The following NALF1 variants were observed in gnomAD, a reference collection of about 807,000 sequenced individuals.
NALF1 encodes NALCN channel auxiliary factor 1.
Under a neutral mutation model 48.4 loss-of-function variants are expected in NALF1, and 3 were observed. The observed-to-expected ratio is 0.06, with a 90% CI of 0.03 to 0.16. NALF1 has a LOEUF of 0.16. Ranked by LOEUF, NALF1 falls within the 10% of genes least tolerant of loss-of-function variation. The pLI is 1.00. For synonymous variants in NALF1, 262 were observed against 245.7 expected, an observed-to-expected ratio of 1.07 and a Z score of -0.62; for missense variants, 526 against 571.5, an observed-to-expected ratio of 0.92 and a Z score of 0.81.
intron 1 of NALF1, among the ~76,000 whole-genome samples, chr13:107,308,990 G>T (rs1881994004): frequency 6.6e-6 from 1 of 152,184 alleles, no homozygotes; most frequent in African/African-American, 2.4e-5. Context: ...TCAATGGAAG[G>T]CATTTAAGCT....
chr13:107,682,219 T>A (rs879499587), intron 1 of NALF1, among the ~76,000 whole-genome samples: 9 of 152,188 alleles, frequency 5.9e-5, no homozygotes, highest in Admixed American at 5.9e-4. Context: ...ATTGTTGCCT[T>A]CATTTTGAGA....
At chr13:107,757,341 C>T (rs1198667005) in intron 1 of NALF1, among the ~76,000 whole-genome samples, 1 of 150,708 alleles carries the variant, frequency 6.6e-6, no homozygotes, top group Non-Finnish European at 1.5e-5. Context: ...TTTGGAGAAA[C>T]AGCAATTTTG....
intron 1 of NALF1, among the ~76,000 whole-genome samples, chr13:107,606,512 C>T (rs532269261): frequency 6.6e-6 from 1 of 151,928 alleles, no homozygotes; most frequent in African/African-American, 2.4e-5. Context: ...ATTACAGGTG[C>T]CAGCCACAGT....
chr13:107,778,810 A>G (rs1877810449), intron 1 of NALF1, among the ~76,000 whole-genome samples: 1 of 151,922 alleles, frequency 6.6e-6, no homozygotes, highest in African/African-American at 2.4e-5. Context: ...TCCCTCAATC[A>G]CCTGTTGTTA....
At chr13:107,678,260 T>G (rs1881184637) in intron 1 of NALF1, among the ~76,000 whole-genome samples, 3 of 152,112 alleles carry the variant, frequency 2.0e-5, no homozygotes, top group African/African-American at 7.2e-5. Flanking sequence ...GGATGAACTG[T>G]GTGCTCAGCG....
chr13:107,430,611 C>T lies in NALF1; in HGVS notation c.916-219856G>A, dbSNP rs141531531. Among the ~76,000 whole-genome samples, 365 of 152,262 alleles carry T rather than the reference C, an allele frequency of 2.4e-3. 10 individuals carry two copies. Among genetic ancestry groups the T allele is most frequent in the Admixed American group, 0.022 (333 of 15,288 alleles). On this transcript the variant is annotated intron_variant, in intron 1 of 2. Transcript: ENST00000375915. ...TATGGTTTCCAGCTTCATCCATGTA[C>T]CTACAAAGGACATGAACTCATCATT...
chr13:107,777,908 A>G (rs1877783930), intron 1 of NALF1, among the ~76,000 whole-genome samples: 1 of 152,196 alleles, frequency 6.6e-6, no homozygotes, highest in South Asian at 2.1e-4. Context: ...CAAAAGGGAA[A>G]CATATTTTTA....
chr13:107,289,996 G>A (rs1209847777), intron 1 of NALF1, among the ~76,000 whole-genome samples: 2 of 152,084 alleles, frequency 1.3e-5, no homozygotes, highest in Non-Finnish European at 2.9e-5. Flanking sequence ...AGGGTGGCAG[G>A]TAACAGGATG....
intron 1 of NALF1, among the ~76,000 whole-genome samples, chr13:107,443,160 TTATCTAACAATCTATCTATC>T (rs1010875257): frequency 6.9e-6 from 1 of 144,450 alleles, no homozygotes. Context: ...TATTATTTAT[TTATCTAACAATCTATCTATC>T]TATCTATCTA....
intron 1 of NALF1, among the ~76,000 whole-genome samples, chr13:107,785,318 T>C (rs1405792373): frequency 6.6e-6 from 1 of 151,958 alleles, no homozygotes; most frequent in Non-Finnish European, 1.5e-5. Flanking sequence ...AGAAGACGTC[T>C]CCTTCCAAGA....
chr13:107,769,844 G>C (rs913042824), intron 1 of NALF1, among the ~76,000 whole-genome samples: 2 of 152,164 alleles, frequency 1.3e-5, no homozygotes, highest in South Asian at 2.1e-4. Flanking sequence ...TCACCACTTA[G>C]AGAATTCCAT....
chr13:107,462,969 A>C (rs1324160243), intron 1 of NALF1, among the ~76,000 whole-genome samples: 1 of 152,182 alleles, frequency 6.6e-6, no homozygotes, highest in East Asian at 1.9e-4. Flanking sequence ...GAAATCATGG[A>C]GCCTGAGGGT....
intron 1 of NALF1, among the ~76,000 whole-genome samples, chr13:107,350,598 T>C (rs974820301): frequency 6.6e-6 from 1 of 152,258 alleles, no homozygotes; most frequent in Non-Finnish European, 1.5e-5. Flanking sequence ...TACTTGTTTA[T>C]GCATTAATGC....
At chr13:107,319,064 G>A (rs6492045) in intron 1 of NALF1, among the ~76,000 whole-genome samples, 119,192 of 151,986 alleles carry the variant, frequency 0.78, 47,202 homozygotes, top group Non-Finnish European at 0.85. Context: ...CAGTCCTAAC[G>A]TCTTAAAAAA....
intron 1 of NALF1, among the ~76,000 whole-genome samples, chr13:107,229,109 G>A (rs573341261): frequency 1.1e-4 from 16 of 152,140 alleles, no homozygotes; most frequent in South Asian, 2.1e-4. Context: ...AGCTTCCAGC[G>A]TAATAATACT....
chr13:107,575,455 CAG>C (rs1227103529), intron 1 of NALF1, among the ~76,000 whole-genome samples: 4 of 152,146 alleles, frequency 2.6e-5, no homozygotes, highest in Admixed American at 6.5e-5. Flanking sequence ...ACAATTTTAG[CAG>C]AGAGTCCCTG....
At chr13:107,567,583 C>T (rs1475510236) in intron 1 of NALF1, among the ~76,000 whole-genome samples, 3 of 152,200 alleles carry the variant, frequency 2.0e-5, no homozygotes, top group African/African-American at 4.8e-5. Context: ...AACCAAGAAA[C>T]TGACATGTCT....
chr13:107,824,640 T>C (rs182261764), intron 1 of NALF1, among the ~76,000 whole-genome samples: 18 of 152,334 alleles, frequency 1.2e-4, no homozygotes, highest in Admixed American at 2.0e-4. Context: ...CAGAAAATCA[T>C]TGGTCTCTCA....
intron 1 of NALF1, among the ~76,000 whole-genome samples, chr13:107,544,938 C>T (rs147067702): frequency 6.4e-4 from 97 of 152,174 alleles, no homozygotes; most frequent in Non-Finnish European, 1.0e-3. Context: ...CATGACTGTG[C>T]GACAACACAG....
Sources: allele counts gnomAD v4.1 joint callset (sites outside exome capture counted in the v4.1 genomes callset), GRCh38; gene constraint gnomAD v4.1.1; transcripts MANE v1.5; gene names NCBI Gene and HGNC (gene_info 2026-07-23, HGNC 2026-07-21).